The following HPCAL1 variants were observed in gnomAD, a reference collection of about 807,000 sequenced individuals.
HPCAL1 encodes the protein hippocalcin like 1.
A neutral mutation model predicts 17.1 loss-of-function variants in HPCAL1; 8 were observed. That is an observed-to-expected ratio of 0.47 (90% confidence interval 0.27 to 0.84). The LOEUF (loss-of-function observed/expected upper bound fraction) is 0.84, where lower values mean the gene tolerates loss of function less well. HPCAL1 is among the 40% of genes least tolerant of loss of function. The probability of loss-of-function intolerance (pLI) is 0.13; values close to 1 mark genes in which losing one functional copy is unlikely to be tolerated. For missense variants in HPCAL1, 165 were observed against 271.1 expected, an observed-to-expected ratio of 0.61 and a Z score of 2.75; for synonymous variants, 112 against 111.4, an observed-to-expected ratio of 1.01 and a Z score of -0.03.
chr2:10,384,355 G>A lies in HPCAL1; in HGVS notation c.-110-12480G>A, dbSNP rs1350814870. Reference sequence around the variant, plus strand: ...GAGAGAACACCCTCCACACATCCCCGTGGGATGTCTGGAGGGAAGGGTTTT... The same window carrying A: ...GAGAGAACACCCTCCACACATCCCCATGGGATGTCTGGAGGGAAGGGTTTT... On this transcript the variant is annotated intron_variant, in intron 1 of 4. Transcript: ENST00000307845. The surrounding 1 kb of genome is among the most constrained non-coding windows in gnomAD (Gnocchi z 4.4). Among the ~76,000 whole-genome samples, 14 of 152,130 alleles carry A rather than the reference G, an allele frequency of 9.2e-5. No homozygotes were observed. Among genetic ancestry groups the A allele is most frequent in the Non-Finnish European group, 1.5e-4 (10 of 68,000 alleles).
chr2:10,304,904 G>A lies in HPCAL1; in HGVS notation c.-111+1727G>A, dbSNP rs1228305218. On this transcript the variant is annotated intron_variant, in intron 1 of 4. Coordinates refer to ENST00000307845, the MANE Select transcript of HPCAL1 (RefSeq NM_002149.4). The surrounding 1 kb of genome is among the most constrained non-coding windows in gnomAD (Gnocchi z 4.1). The stretch of plus-strand genomic sequence containing the variant: ...GACAGCATGGGCGGCCTTTTGGTAT[G>A]GATGCGCTTCCCAACTGTCAGGGGC... Among the ~76,000 whole-genome samples the A allele has an allele frequency of 6.6e-6, 1 of 152,182 alleles. No homozygotes were observed. Among genetic ancestry groups the A allele is most frequent in the Admixed American group, 6.5e-5 (1 of 15,282 alleles).
At chr2:10,420,209 C>CCT (rs1670970662) in intron 3 of HPCAL1, 74 bp downstream of exon 3, 1 of 475,590 alleles carries the variant, frequency 2.1e-6, no homozygotes, top group Non-Finnish European at 3.1e-6. Context: ...CAGCCCAGGG[C>CCT]TTTTTTTTTT....
In HPCAL1 at chr2:10,377,298, C is replaced by T. The variant is rs922886120; in HGVS notation, c.-110-19537C>T. ...GCCGCAGCAAATGCAACCCTGCCCC[C>T]GAGCCAGGCCCCAGGCTGCACCTTT... On this transcript the variant is annotated intron_variant, in intron 1 of 4. Coordinates refer to ENST00000307845, the MANE Select transcript of HPCAL1 (RefSeq NM_002149.4). This position sits in a 1 kb window ranked among gnomAD's most constrained non-coding sequence, Gnocchi z 5.9. 2.6e-5 allele frequency among the ~76,000 whole-genome samples: 4 copies of T among 152,200 alleles called. No individual in the cohort carries two copies. The highest frequency in any genetic ancestry group is 7.2e-5 in the African/African-American group (3 of 41,426).
chr2:10,319,687 T>A (rs954755612), intron 1 of HPCAL1, among the ~76,000 whole-genome samples: 3 of 151,654 alleles, frequency 2.0e-5, no homozygotes, highest in African/African-American at 7.3e-5. Context: ...TAGGGAAAGG[T>A]GCTCTCACAT....
intron 2 of HPCAL1, among the ~76,000 whole-genome samples, chr2:10,405,676 G>A (rs993319435): frequency 6.6e-6 from 1 of 152,222 alleles, no homozygotes. Flanking sequence ...GGAAGAATGC[G>A]CTCCAAGATG....
rs1275176312 is a variant in HPCAL1 at position 10,336,166 on chromosome 2, C to CTGGTGTAAATTAAT, written c.-111+32991_-111+32992insGTGTAAATTAATTG. ...TAAATTAATTGCATGTTCGTATCCTCTGCTGTAAATTAATTGCATGTGCGT... is the reference window on the plus strand; with the variant it reads ...TAAATTAATTGCATGTTCGTATCCTCTGGTGTAAATTAATTGCTGTAAATTAATTGCATGTGCGT... On this transcript the variant is annotated intron_variant, in intron 1 of 4. Coordinates refer to ENST00000307845, the MANE Select transcript of HPCAL1 (RefSeq NM_002149.4). 6.4e-5 allele frequency among the ~76,000 whole-genome samples: 9 copies of CTGGTGTAAATTAAT among 139,916 alleles called. 1 individual carries two copies. Among genetic ancestry groups the CTGGTGTAAATTAAT allele is most frequent in the African/African-American group, 2.5e-4 (9 of 35,334 alleles). 91.8% of individuals were successfully genotyped at this position (139,916 alleles called of 152,430 possible). A position where few individuals can be genotyped will look rare whatever the true frequency, so the allele number is the denominator to read the frequency against.
In HPCAL1 at chr2:10,419,178, T is replaced by G. The variant is rs1670872707; in HGVS notation, c.-24-556T>G. On this transcript the variant is annotated intron_variant, in intron 2 of 4. Coordinates refer to ENST00000307845, the MANE Select transcript of HPCAL1 (RefSeq NM_002149.4). This position sits in a 1 kb window ranked among gnomAD's most constrained non-coding sequence, Gnocchi z 5.0. ...GTGAGCTGTGATCCTGCTACTGCAC[T>G]GCAGCCTGGGCGACAAGAGCAAAAC... is the stretch of plus-strand genomic sequence containing the variant. Among the ~76,000 whole-genome samples, 1 of 147,122 alleles carries G rather than the reference T, an allele frequency of 6.8e-6. No homozygotes were observed. Among genetic ancestry groups the G allele is most frequent in the African/African-American group, 2.4e-5 (1 of 41,182 alleles).
In HPCAL1 at chr2:10,388,801, C is replaced by T. The variant is rs143591117; in HGVS notation, c.-110-8034C>T. Among the ~76,000 whole-genome samples, 655 of 152,324 alleles carry T rather than the reference C, an allele frequency of 4.3e-3. 2 individuals carry two copies. The highest frequency in any genetic ancestry group is 0.024 in the Middle Eastern group (7 of 294). On this transcript the variant is annotated intron_variant, in intron 1 of 4. Coordinates refer to ENST00000307845, the MANE Select transcript of HPCAL1 (RefSeq NM_002149.4). ...CTCGTCAGTGTTTAAGAGTCCAGGTCGCTGCAGCATCTTGGTGTGTACTGT... is the reference window on the plus strand; with the variant it reads ...CTCGTCAGTGTTTAAGAGTCCAGGTTGCTGCAGCATCTTGGTGTGTACTGT...
At chr2:10,385,327 C>G (rs1452212783) in intron 1 of HPCAL1, among the ~76,000 whole-genome samples, 3 of 148,812 alleles carry the variant, frequency 2.0e-5, no homozygotes, top group African/African-American at 7.5e-5. Context: ...GTGCTTCCTA[C>G]TGGTGGCTTC....
rs1258189784 is a variant in HPCAL1 at position 10,304,693 on chromosome 2, G to C, written c.-111+1516G>C. On this transcript the variant is annotated intron_variant, in intron 1 of 4. Coordinates refer to ENST00000307845, the MANE Select transcript of HPCAL1 (RefSeq NM_002149.4). The surrounding 1 kb of genome is among the most constrained non-coding windows in gnomAD (Gnocchi z 4.1). ...AGTTCTGGCGCCTCGGCGCTGGCTC[G>C]GACGCAGCAAGGCCAGCTCTAGGGG... Among the ~76,000 whole-genome samples the C allele has an allele frequency of 6.6e-6, 1 of 152,248 alleles. No individual in the cohort carries two copies. Among genetic ancestry groups the C allele is most frequent in the Non-Finnish European group, 1.5e-5 (1 of 68,048 alleles).
intron 2 of HPCAL1, among the ~76,000 whole-genome samples, chr2:10,398,134 GC>G (rs1477305327): frequency 8.5e-5 from 13 of 152,154 alleles, no homozygotes. Context: ...ATCAGTTGGG[GC>G]CATGGATGTA....
rs951662300 is a variant in HPCAL1, at chr2:10,310,255, G to A, written c.-111+7078G>A. Among the ~76,000 whole-genome samples, 7 of 152,298 alleles carry A rather than the reference G, an allele frequency of 4.6e-5. No individual in the cohort carries two copies. Among genetic ancestry groups the A allele is most frequent in the African/African-American group, 1.7e-4 (7 of 41,558 alleles). ...TGTGCAGAAAGGGGTTCTAGGCGCA[G>A]CTCAGACGTAGATGGGGACGCAGAT... is the stretch of plus-strand genomic sequence containing the variant. On this transcript the variant is annotated intron_variant, in intron 1 of 4. Transcript: ENST00000307845. This position sits in a 1 kb window ranked among gnomAD's most constrained non-coding sequence, Gnocchi z 4.5.
chr2:10,315,160 G>T (rs1248663403), intron 1 of HPCAL1, among the ~76,000 whole-genome samples: 1 of 152,148 alleles, frequency 6.6e-6, no homozygotes, highest in Non-Finnish European at 1.5e-5. Flanking sequence ...GGGCGTGGTG[G>T]CGGGTGCCTG....
intron 1 of HPCAL1, among the ~76,000 whole-genome samples, chr2:10,326,856 C>T (rs1057019493): frequency 6.6e-6 from 1 of 152,278 alleles, no homozygotes; most frequent in South Asian, 2.1e-4. Flanking sequence ...CGTTTGGCAG[C>T]TGGCCATGGC....
At chr2:10,319,036 ACCT>A (rs1285230629) in intron 1 of HPCAL1, among the ~76,000 whole-genome samples, 1 of 151,784 alleles carries the variant, frequency 6.6e-6, no homozygotes, top group Non-Finnish European at 1.5e-5. Flanking sequence ...TTGCCATTAA[ACCT>A]CTTCTGAACT....
In HPCAL1 at chr2:10,359,022, T is replaced by C. The variant is rs1666360968; in HGVS notation, c.-110-37813T>C. 6.8e-6 allele frequency among the ~76,000 whole-genome samples: 1 copy of C among 146,818 alleles called. No homozygotes were observed. Among genetic ancestry groups the C allele is most frequent in the Non-Finnish European group, 1.5e-5 (1 of 67,798 alleles). ...GAGCCCCACAGCCTGCCCGTCTGCA[T>C]GCTCCCCTTGAGGTTTGACCCGTCT... On this transcript the variant is annotated intron_variant, in intron 1 of 4. Coordinates refer to ENST00000307845, the MANE Select transcript of HPCAL1 (RefSeq NM_002149.4). The surrounding 1 kb of genome is among the most constrained non-coding windows in gnomAD (Gnocchi z 4.1).
intron 1 of HPCAL1, among the ~76,000 whole-genome samples, chr2:10,382,774 G>C (rs1668044266): frequency 6.6e-6 from 1 of 152,116 alleles, no homozygotes; most frequent in African/African-American, 2.4e-5. Context: ...AAGACCTCCT[G>C]TGCCCGGCTG....
intron 1 of HPCAL1, among the ~76,000 whole-genome samples, chr2:10,357,656 G>A (rs964930575): frequency 6.6e-6 from 1 of 152,090 alleles, no homozygotes; most frequent in Non-Finnish European, 1.5e-5. Context: ...TAAATATCAC[G>A]ACCTCCCTCC....
At chr2:10,408,050 C>T (rs1209066333) in intron 2 of HPCAL1, among the ~76,000 whole-genome samples, 1 of 152,238 alleles carries the variant, frequency 6.6e-6, no homozygotes, top group East Asian at 1.9e-4. Flanking sequence ...CTCATATCTG[C>T]AGAGGCACAA....
Sources: gnomAD v4.1 joint callset for allele counts (sites outside exome capture counted in the v4.1 genomes callset) on GRCh38, gnomAD v4.1.1 for gene constraint, Gnocchi (gnomAD v3.1) non-coding constraint, MANE v1.5 for transcripts, NCBI Gene and HGNC (gene_info 2026-07-23, HGNC 2026-07-21) for gene names.